The following OSBPL3 variants were observed in gnomAD, a reference collection of about 807,000 sequenced individuals.
The protein encoded by OSBPL3 is oxysterol-binding protein-related protein 3.
In OSBPL3, 65 loss-of-function variants were observed where a neutral mutation model predicts 120.1. The ratio of observed to expected loss-of-function variants is 0.54; its 90% confidence interval spans 0.44 to 0.67. The LOEUF is 0.67. Among genes scored for constraint, OSBPL3 ranks in the 30% least tolerant of loss-of-function variants. The pLI is 0.00. For missense variants in OSBPL3, 1,004 were observed against 1,082.1 expected (o/e 0.93, Z 1.01); for synonymous variants, 416 against 402.6 (o/e 1.03, Z -0.40).
At chr7:24,838,475 G>A (rs1467571886) in intron 14 of OSBPL3, among the ~76,000 whole-genome samples, 3 of 152,114 alleles carry the variant, frequency 2.0e-5, no homozygotes, top group African/African-American at 4.8e-5. Flanking sequence ...CAGCCTGGGC[G>A]ACAGAGTGAG....
At chr7:24,841,468 G>C in intron 13 of OSBPL3, among the ~76,000 whole-genome samples, 1 of 151,506 alleles carries the variant, frequency 6.6e-6, no homozygotes, top group South Asian at 2.1e-4. Context: ...AGGCTGAGGC[G>C]GATGGATCAC....
In OSBPL3 at chr7:24,821,314, C is replaced by T. The variant is rs1382782488; in HGVS notation, c.1885-1076G>A. On this transcript the variant is annotated intron_variant, in intron 16 of 22. Transcript: ENST00000313367. This position sits in a 1 kb window ranked among gnomAD's most constrained non-coding sequence, Gnocchi z 5.5. ...AAGTCCCAGCAGTTTTGGTTTACCT[C>T]ACTGGTTTTCAAACTTTGCAAAAAG... Among the ~76,000 whole-genome samples, 1 of 152,152 alleles carries T rather than the reference C, an allele frequency of 6.6e-6. No individual in the cohort carries two copies. The highest frequency in any genetic ancestry group is 2.4e-5 in the African/African-American group (1 of 41,430).
In OSBPL3 at chr7:24,854,885, G is replaced by A. The variant is rs1428996050; in HGVS notation, c.1028-2251C>T. ...GCAGGTAAAGCACATAACACAATGC[G>A]TGGTATGTAATAAATAACAAATGTT... On this transcript the variant is annotated intron_variant, in intron 10 of 22. Transcript: ENST00000313367. The surrounding 1 kb of genome is among the most constrained non-coding windows in gnomAD (Gnocchi z 4.1). 6.6e-5 allele frequency among the ~76,000 whole-genome samples: 10 copies of A among 152,342 alleles called. No homozygotes were observed. The highest frequency in any genetic ancestry group is 6.2e-4 in the South Asian group (3 of 4,822).
chr7:24,878,199 T>C (rs1177971391), intron 2 of OSBPL3, among the ~76,000 whole-genome samples: 1 of 152,216 alleles, frequency 6.6e-6, no homozygotes, highest in African/African-American at 2.4e-5. Flanking sequence ...GCACAGCTGT[T>C]TCCACAGGCA....
rs965210559 is a variant in OSBPL3, at chr7:24,815,070, T to C, written c.2161A>G (p.Asn721Asp). The C allele has an allele frequency of 1.2e-6, 2 of 1,614,158 alleles. No homozygotes were observed. Among genetic ancestry groups the C allele is most frequent in the African/African-American group, 1.3e-5 (1 of 75,044 alleles). ...GTCACTGGAGTTACCTTTATAAAAT[T>C]CACTTTGCAGTAGCAGGAATCATCA... ...LHDDSCYCKV[N>D]FIKAKYWSTN... The change falls in exon 19 of 23, where the codon AAT becomes GAT. Residue 721 changes from asparagine (N) to aspartate (D), a missense_variant. Transcript: ENST00000313367. This position sits in a 1 kb window ranked among gnomAD's most constrained non-coding sequence, Gnocchi z 5.1.
intron 1 of OSBPL3, among the ~76,000 whole-genome samples, chr7:24,903,347 AGAAAG>A (rs2128387938): frequency 6.6e-6 from 1 of 152,378 alleles, no homozygotes; most frequent in East Asian, 1.9e-4. Flanking sequence ...TTGCCAGTGA[AGAAAG>A]GAAGAGATCA....
intron 20 of OSBPL3, 113 bp downstream of exon 20, chr7:24,809,694 C>T: frequency 2.1e-6 from 2 of 960,448 alleles, no homozygotes; most frequent in Non-Finnish European, 3.1e-6. Context: ...TAGTTCAAAG[C>T]AGAAGAGGCT....
chr7:24,883,479 T>C lies in OSBPL3; in HGVS notation c.96+8898A>G, dbSNP rs1804022866. 6.6e-6 allele frequency among the ~76,000 whole-genome samples: 1 copy of C among 152,212 alleles called. No homozygotes were observed. Among genetic ancestry groups the C allele is most frequent in the African/African-American group, 2.4e-5 (1 of 41,444 alleles). On this transcript the variant is annotated intron_variant, in intron 2 of 22. Transcript: ENST00000313367. The surrounding 1 kb of genome is among the most constrained non-coding windows in gnomAD (Gnocchi z 5.4). ...AGAACATTCCATTACCTTGTACAGCTGCTATGCTGTGCTCTCAACCAGAGC... is the reference window on the plus strand; with the variant it reads ...AGAACATTCCATTACCTTGTACAGCCGCTATGCTGTGCTCTCAACCAGAGC...
At chr7:24,828,606 G>GGAAAAAAAAAAAAAAA (rs1795976981) in intron 16 of OSBPL3, among the ~76,000 whole-genome samples, 2 of 32,522 alleles carry the variant, frequency 6.1e-5, no homozygotes, top group Non-Finnish European at 1.1e-4. Context: ...GACTCTGTCT[G>GGAAAAAAAAAAAAAAA]AAAAAAAAAA....
intron 1 of OSBPL3, among the ~76,000 whole-genome samples, chr7:24,951,263 G>T (rs944923558): frequency 6.6e-6 from 1 of 152,090 alleles, no homozygotes; most frequent in Non-Finnish European, 1.5e-5. Context: ...CTTAAGTGGG[G>T]TTTTTTCAAA....
In OSBPL3 at chr7:24,877,607, T is replaced by A. The variant is rs1803028514; in HGVS notation, c.97-5538A>T. Among the ~76,000 whole-genome samples the A allele has an allele frequency of 6.6e-6, 1 of 152,144 alleles. No homozygotes were observed. The highest frequency in any genetic ancestry group is 1.5e-5 in the Non-Finnish European group (1 of 68,024). ...GGGGCCGAAATAAATGTTTACTGAATGAGTCTGCAAAGCAAGGGGGGTATC... is the reference window on the plus strand; with the variant it reads ...GGGGCCGAAATAAATGTTTACTGAAAGAGTCTGCAAAGCAAGGGGGGTATC... On this transcript the variant is annotated intron_variant, in intron 2 of 22. Transcript: ENST00000313367. This position sits in a 1 kb window ranked among gnomAD's most constrained non-coding sequence, Gnocchi z 4.8.
At chr7:24,801,978 C>T (rs753803819) in intron 22 of OSBPL3, among the ~76,000 whole-genome samples, 8 of 152,136 alleles carry the variant, frequency 5.3e-5, no homozygotes, top group Non-Finnish European at 8.8e-5. Context: ...TGTGTGAGTA[C>T]GGTTACATTA....
intron 1 of OSBPL3, among the ~76,000 whole-genome samples, chr7:24,915,420 G>A (rs1461344291): frequency 2.0e-5 from 3 of 152,020 alleles, no homozygotes; most frequent in Non-Finnish European, 4.4e-5. Context: ...AACCTCTTTA[G>A]AAGACAGTTT....
chr7:24,865,680 TTTC>T (rs1482842191), intron 6 of OSBPL3, among the ~76,000 whole-genome samples: 1 of 152,188 alleles, frequency 6.6e-6, no homozygotes, highest in Non-Finnish European at 1.5e-5. Context: ...TGGACCTAAT[TTTC>T]TTCTTTTATC....
rs1231609912 is a variant in OSBPL3 at position 24,867,966 on chromosome 7, A to C, written c.382-1729T>G. Among the ~76,000 whole-genome samples the C allele has an allele frequency of 2.0e-5, 3 of 152,220 alleles. No individual in the cohort carries two copies. Among genetic ancestry groups the C allele is most frequent in the Non-Finnish European group, 4.4e-5 (3 of 68,044 alleles). The stretch of plus-strand genomic sequence containing the variant: ...TAAAGATATTTCAAATGTTTATAAA[A>C]ATATGTGATATATATAAAAAGACTA... On this transcript the variant is annotated intron_variant, in intron 5 of 22. Transcript: ENST00000313367. This position sits in a 1 kb window ranked among gnomAD's most constrained non-coding sequence, Gnocchi z 4.5.
rs1311653028 is a variant in OSBPL3 at position 24,940,259 on chromosome 7, A to G, written c.-150+39627T>C. Among the ~76,000 whole-genome samples, 2 of 152,216 alleles carry G rather than the reference A, an allele frequency of 1.3e-5. No individual in the cohort carries two copies. The highest frequency in any genetic ancestry group is 1.3e-4 in the Admixed American group (2 of 15,288). On this transcript the variant is annotated intron_variant, in intron 1 of 22. Coordinates refer to ENST00000313367, the MANE Select transcript of OSBPL3 (RefSeq NM_015550.4). The surrounding 1 kb of genome is among the most constrained non-coding windows in gnomAD (Gnocchi z 4.4). ...AAATCATAAATTTGTAAGAAAGCCAATAAGCAGAGTGGTAAACTGAGTACA... is the reference window on the plus strand; with the variant it reads ...AAATCATAAATTTGTAAGAAAGCCAGTAAGCAGAGTGGTAAACTGAGTACA...
intron 1 of OSBPL3, among the ~76,000 whole-genome samples, chr7:24,914,577 T>G (rs1382891103): frequency 1.3e-5 from 2 of 152,106 alleles, no homozygotes; most frequent in African/African-American, 2.4e-5. Context: ...CATTTCTGCC[T>G]CCTGAAATCT....
chr7:24,943,738 G>A (rs1390555636), intron 1 of OSBPL3, among the ~76,000 whole-genome samples: 2 of 152,170 alleles, frequency 1.3e-5, no homozygotes, highest in Non-Finnish European at 2.9e-5. Flanking sequence ...AAGCTTTCAC[G>A]TTCCCTGGTG....
At position 24,932,908 on chromosome 7, in the gene OSBPL3, C is replaced by T. The variant is rs1243085685; in HGVS notation, c.-149-40287G>A. ...AACTTTCAAGACTCCAACTGGTCCC[C>T]GGGGACAGACCCCCACTGTTCTGTA... On this transcript the variant is annotated intron_variant, in intron 1 of 22. Coordinates refer to ENST00000313367, the MANE Select transcript of OSBPL3 (RefSeq NM_015550.4). This position sits in a 1 kb window ranked among gnomAD's most constrained non-coding sequence, Gnocchi z 5.6. Among the ~76,000 whole-genome samples the T allele has an allele frequency of 1.3e-5, 2 of 152,340 alleles. No homozygotes were observed. The highest frequency in any genetic ancestry group is 1.9e-4 in the East Asian group (1 of 5,188).
Sources: allele counts gnomAD v4.1 joint callset (sites outside exome capture counted in the v4.1 genomes callset), GRCh38; gene constraint gnomAD v4.1.1; non-coding constraint Gnocchi (gnomAD v3.1); transcripts MANE v1.5; gene names NCBI Gene and HGNC (gene_info 2026-07-23, HGNC 2026-07-21).